KCNH2: variants seen among roughly 807,000 people sequenced by gnomAD.
The protein encoded by KCNH2 is potassium voltage-gated channel subfamily H member 2.
KCNH2 carries 35 observed loss-of-function variants against 95.9 expected under a neutral mutation model. That is an observed-to-expected ratio of 0.37 (90% CI 0.28 to 0.48). KCNH2 has a LOEUF of 0.48. KCNH2 is among the 20% of genes least tolerant of loss of function. KCNH2 has a pLI of 0.99. For missense variants in KCNH2, 1,274 were observed against 1,702.9 expected (o/e 0.75, Z 4.43); for synonymous variants, 786 against 754.7 (o/e 1.04, Z -0.68).
At chr7:150,971,038 G>A (rs578125157) in intron 2 of KCNH2, among the ~76,000 whole-genome samples, 41 of 152,372 alleles carry the variant, frequency 2.7e-4, no homozygotes, top group Middle Eastern at 6.8e-3. Flanking sequence ...GGTCAGCCAT[G>A]AGGGAGAAGG....
chr7:150,948,587 C>T, intron 10 of KCNH2, 44 bp from the exon 11 acceptor site: 2 of 1,534,580 alleles, frequency 1.3e-6, no homozygotes, highest in Non-Finnish European at 1.8e-6. Context: ...TGCTCTCCTG[C>T]CCCACCGGGG....
rs778276226 is a variant in KCNH2 at position 150,977,941 on chromosome 7, C to A, written c.-28G>T. On this transcript the variant is annotated 5_prime_UTR_variant, in exon 1 of 15. Transcript: ENST00000262186. Reference sequence around the variant, plus strand: ...TGAGCCCATGGGCGGGCCGGGCGGGCCCCCACCCACCCCGGCCCGGCCCGG... The same window carrying A: ...TGAGCCCATGGGCGGGCCGGGCGGGACCCCACCCACCCCGGCCCGGCCCGG... 1 of 1,506,204 alleles carries A rather than the reference C, an allele frequency of 6.6e-7. No individual in the cohort carries two copies. Among genetic ancestry groups the A allele is most frequent in the Admixed American group, 1.9e-5 (1 of 52,270 alleles). 93.3% of individuals were successfully genotyped at this position (1,506,204 alleles called of 1,614,324 possible). A position where few individuals can be genotyped will look rare whatever the true frequency, so the allele number is the denominator to read the frequency against.
At chr7:150,970,412 G>A (rs911594528) in intron 2 of KCNH2, among the ~76,000 whole-genome samples, 3 of 151,886 alleles carry the variant, frequency 2.0e-5, no homozygotes, top group African/African-American at 7.2e-5. Flanking sequence ...ACGCAACACG[G>A]AGAAGCCGCT....
rs1324869123 is a variant in KCNH2, at chr7:150,955,874, C to CCCCCG, written c.1128+1412_1128+1416dup. On this transcript the variant is annotated intron_variant, in intron 5 of 14. Transcript: ENST00000262186. ...CACCCCCACCCCGCCACACTAGGCT[C>CCCCCG]CCCCGCCCCGCCGGTGCCCAGCCAG... 2.9e-3 allele frequency: 2,853 copies of CCCCCG among 997,864 alleles called. 73 individuals carry two copies. In the African/African-American group the frequency reaches 0.047, roughly 17 times the overall value. The allele number at this position is 997,864 out of a possible 1,614,324, so 61.8% of individuals were successfully genotyped here. A position where few individuals can be genotyped will look rare whatever the true frequency, so the allele number is the denominator to read the frequency against.
At chr7:150,957,553 G>A (rs757893067) in intron 4 of KCNH2, 51 bp from the exon 5 acceptor site, 2 of 1,401,662 alleles carry the variant, frequency 1.4e-6, no homozygotes, top group South Asian at 1.2e-5. Context: ...CCCCAGGCCA[G>A]GCAGGCCACC....
rs1476763846 is a variant in KCNH2, at chr7:150,951,838, G to A, written c.1558-3C>T. The A allele has an allele frequency of 6.4e-7, 1 of 1,567,020 alleles. No homozygotes were observed. The highest frequency in any genetic ancestry group is 8.7e-7 in the Non-Finnish European group (1 of 1,153,346). On this transcript the variant is annotated splice_polypyrimidine_tract_variant and splice_region_variant and intron_variant, in intron 6 of 14. Coordinates refer to ENST00000262186, the MANE Select transcript of KCNH2 (RefSeq NM_000238.4). ...GCAGTCTTCAGCAGCCCGATCAGCT[G>A]GGGGACAGGGAAGGGGCACATTCCG...
chr7:150,958,575 AC>A, intron 3 of KCNH2, 73 bp from the exon 4 acceptor site: 3 of 1,287,770 alleles, frequency 2.3e-6, no homozygotes, highest in South Asian at 3.2e-5. Context: ...TGGGAAATGG[AC>A]CCCCAGCCGC....
rs200884259 is a variant in KCNH2, at chr7:150,957,284, C to T, written c.1128+7G>A. 79 of 1,559,672 alleles carry T rather than the reference C, an allele frequency of 5.1e-5. No homozygotes were observed. The highest frequency in any genetic ancestry group is 2.6e-4 in the East Asian group (11 of 41,754). On this transcript the variant is annotated splice_region_variant and intron_variant, in intron 5 of 14. Transcript: ENST00000262186. ...GTGAGAGGAGAGCCCGGCCGCTGGG[C>T]GCCTACCTGGGTGACCTTCTCAGTG... is the stretch of plus-strand genomic sequence containing the variant.
At position 150,947,477 on chromosome 7, in the gene KCNH2, C is replaced by G. The variant is rs121912509; in HGVS notation, c.3003G>C (p.Trp1001Cys). Residue 1001 changes from tryptophan (W) to cysteine (C), a missense_variant, in exon 13 of 15, where the codon TGG becomes TGC. Coordinates refer to ENST00000262186, the MANE Select transcript of KCNH2 (RefSeq NM_000238.4). ...GGTACTGGCGGCCCCGACTGTCCCC[C>G]CAGAAGCTGAAAATGTTGGACACTC... The part of the protein sequence containing the change: ...FSGVSNIFSF[W>C]GDSRGRQYQE... The G allele has an allele frequency of 3.2e-6, 5 of 1,579,916 alleles. No individual in the cohort carries two copies. The highest frequency in any genetic ancestry group is 1.2e-5 in the South Asian group (1 of 86,580).
intron 2 of KCNH2, among the ~76,000 whole-genome samples, chr7:150,964,872 G>A (rs1291556167): frequency 6.6e-6 from 1 of 152,188 alleles, no homozygotes; most frequent in African/African-American, 2.4e-5. Flanking sequence ...GCGGCGACAG[G>A]AAGATGCAGC....
intron 3 of KCNH2, 40 bp downstream of exon 3, chr7:150,959,532 C>T: frequency 1.2e-6 from 2 of 1,610,458 alleles, no homozygotes; most frequent in Non-Finnish European, 1.7e-6. Flanking sequence ...AGAAATGAGA[C>T]CACGAACCCC....
chr7:150,969,154 G>C (rs1233022443), intron 2 of KCNH2, among the ~76,000 whole-genome samples: 2 of 152,196 alleles, frequency 1.3e-5, no homozygotes, highest in Admixed American at 6.5e-5. Flanking sequence ...GGGCAGGGAG[G>C]GGACAGCTAG....
In KCNH2 at chr7:150,947,674, T is replaced by A; in HGVS notation, c.2897A>T (p.Glu966Val). 2 of 1,605,582 alleles carry A rather than the reference T, an allele frequency of 1.2e-6. No individual in the cohort carries two copies. Among genetic ancestry groups the A allele is most frequent in the Non-Finnish European group, 1.7e-6 (2 of 1,176,584 alleles). Residue 966 changes from glutamate to valine, a missense_variant, in exon 12 of 15, where the codon GAG becomes GTG. By Grantham distance (121) the Glu-to-Val change is moderately radical. Around this residue, in one of 7 missense-constraint regions of KCNH2, gnomAD observed 457 missense variants for 416.1 expected, o/e 1.10. Coordinates refer to ENST00000262186, the MANE Select transcript of KCNH2 (RefSeq NM_000238.4). ...VPFSSPRPPG[E>V]PPGGEPLMED... ...CATCAGGGGCTCCCCACCCGGCGGC[T>A]CTCCGGGGGGCCTGGGGCTGGAGAA...
In KCNH2 at chr7:150,958,417, G is replaced by A. The variant is rs139533994; in HGVS notation, c.558C>T (p.Gly186=). ...RESSVRSGGA[G]GAGAPGAVVV... The stretch of plus-strand genomic sequence containing the variant: ...CCACGGCCCCCGGGGCGCCCGCGCC[G>A]CCCGCGCCGCCCGACCGCACCGACG... The change falls in exon 4 of 15, where the codon GGC becomes GGT. Residue 186 remains glycine, a synonymous_variant. Coordinates refer to ENST00000262186, the MANE Select transcript of KCNH2 (RefSeq NM_000238.4). 3.8e-4 allele frequency: 554 copies of A among 1,439,032 alleles called. 4 individuals carry two copies. The African/African-American group carries it at 6.9e-3, about 18-fold the overall frequency. The allele number at this position is 1,439,032 out of a possible 1,614,324, so 89.1% of individuals were successfully genotyped here.
intron 5 of KCNH2, chr7:150,955,284 C>T (rs1049189223): frequency 1.2e-5 from 13 of 1,118,656 alleles, no homozygotes; most frequent in South Asian, 2.7e-5. Flanking sequence ...GCTCCCAAAG[C>T]TTCCTACTTC....
chr7:150,972,666 C>G (rs1413527490), intron 2 of KCNH2, among the ~76,000 whole-genome samples: 1 of 152,190 alleles, frequency 6.6e-6, no homozygotes, highest in Non-Finnish European at 1.5e-5. Flanking sequence ...GGAGTTGTAA[C>G]CTGGAGAGGG....
At position 150,966,387 on chromosome 7, in the gene KCNH2, C is replaced by G. The variant is rs1307520794; in HGVS notation, c.308-6651G>C. The stretch of plus-strand genomic sequence containing the variant: ...TCCTCATTGATTTGCCCCCTCCCCC[C>G]CCCCCACACACACACACACACAGGA... On this transcript the variant is annotated intron_variant, in intron 2 of 14. Transcript: ENST00000262186. 1.1e-3 allele frequency among the ~76,000 whole-genome samples: 66 copies of G among 57,710 alleles called. 4 individuals carry two copies. The highest frequency in any genetic ancestry group is 5.7e-3 in the African/African-American group (55 of 9,580). 37.9% of individuals were successfully genotyped at this position (57,710 alleles called of 152,430 possible).
intron 5 of KCNH2, chr7:150,955,549 C>T: frequency 6.6e-7 from 1 of 1,515,182 alleles, no homozygotes; most frequent in East Asian, 2.5e-5. Context: ...GGCCTGAGGG[C>T]CCGGCCACTG....
intron 2 of KCNH2, among the ~76,000 whole-genome samples, chr7:150,968,232 C>G (rs1182750251): frequency 6.6e-6 from 1 of 152,210 alleles, no homozygotes; most frequent in Non-Finnish European, 1.5e-5. Flanking sequence ...GTCCCGCGAT[C>G]CAGCAATTCC....
Sources: allele counts gnomAD v4.1 joint callset (sites outside exome capture counted in the v4.1 genomes callset), GRCh38; gene constraint gnomAD v4.1.1; regional missense constraint gnomAD v4.1.1; transcripts MANE v1.5; gene names NCBI Gene and HGNC (gene_info 2026-07-23, HGNC 2026-07-21).